LYRM4: variants seen among roughly 807,000 people sequenced by gnomAD.
LYRM4 encodes LYR motif containing 4.
In LYRM4, 9 loss-of-function variants were observed where a neutral mutation model predicts 11.7. The ratio of observed to expected loss-of-function variants is 0.77; its 90% CI spans 0.46 to 1.34. The LOEUF (loss-of-function observed/expected upper bound fraction) is 1.34. Among genes scored for constraint, LYRM4 ranks in the 40% most tolerant of loss-of-function variants. LYRM4 has a pLI of 0.00. For synonymous variants in LYRM4, 42 were observed against 40.4 expected, an observed-to-expected ratio of 1.04 and a Z score of -0.15; for missense variants, 133 against 112.5, an observed-to-expected ratio of 1.18 and a Z score of -0.82.
chr6:5,119,097 C>CAT (rs772097746), intron 2 of LYRM4, among the ~76,000 whole-genome samples: 21 of 152,154 alleles, frequency 1.4e-4, no homozygotes, highest in Non-Finnish European at 2.8e-4. Context: ...GTACACACTC[C>CAT]ATCTCCATCC....
At chr6:5,067,132 G>C in the LYRM4 span, 1 of 242,148 alleles carries the variant, frequency 4.1e-6, no homozygotes, top group East Asian at 8.1e-5. Context: ...TAATTTCTTT[G>C]CTACTACTCC....
the LYRM4 span, among the ~76,000 whole-genome samples, chr6:5,057,459 G>A: frequency 6.6e-6 from 1 of 152,146 alleles, no homozygotes; most frequent in South Asian, 2.1e-4. Flanking sequence ...GCCCACGCCT[G>A]TAATCCCAGC....
intron 2 of LYRM4, among the ~76,000 whole-genome samples, chr6:5,209,132 C>T (rs573360539): frequency 2.6e-5 from 4 of 152,238 alleles, no homozygotes; most frequent in East Asian, 3.9e-4. Context: ...CTCACTCTGT[C>T]GCCCAGGCTG....
chr6:5,200,258 A>G (rs1761310566), intron 2 of LYRM4, among the ~76,000 whole-genome samples: 1 of 152,146 alleles, frequency 6.6e-6, no homozygotes, highest in African/African-American at 2.4e-5. Context: ...GCACTAGAAA[A>G]ATGCCTCCCA....
At chr6:5,084,419 C>A in the LYRM4 span, among the ~76,000 whole-genome samples, 45 of 152,100 alleles carry the variant, frequency 3.0e-4, 1 homozygote, top group Admixed American at 2.9e-3. Context: ...GTGCTTGGGG[C>A]GCTGGCGTCC....
chr6:5,252,594 G>C (rs566747239), intron 1 of LYRM4, among the ~76,000 whole-genome samples: 1 of 151,962 alleles, frequency 6.6e-6, no homozygotes, highest in African/African-American at 2.4e-5. Context: ...TCTTCCCACC[G>C]TTTTCTCTCT....
At chr6:5,230,446 T>G (rs1310346662) in intron 1 of LYRM4, among the ~76,000 whole-genome samples, 1 of 152,218 alleles carries the variant, frequency 6.6e-6, no homozygotes, top group Non-Finnish European at 1.5e-5. Flanking sequence ...CCTATCAGAA[T>G]GAGCTTGATC....
At chr6:5,144,432 T>C (rs1388095504) in intron 2 of LYRM4, among the ~76,000 whole-genome samples, 3 of 151,676 alleles carry the variant, frequency 2.0e-5, no homozygotes, top group Non-Finnish European at 2.9e-5. Context: ...GCTCAGGAGA[T>C]CGAGACCATC....
rs955368147 is a variant in LYRM4, at chr6:5,245,693, T to A, written c.86+14955A>T. ...CCTGGAGCCTGAGGCCAGAGAACCATGATTCAGATCAGAACAAAATAAATG... is the reference window on the plus strand; with the variant it reads ...CCTGGAGCCTGAGGCCAGAGAACCAAGATTCAGATCAGAACAAAATAAATG... On this transcript the variant is annotated intron_variant, in intron 1 of 2. Transcript: ENST00000330636. Among the ~76,000 whole-genome samples the A allele has an allele frequency of 2.0e-5, 3 of 152,178 alleles. No individual in the cohort carries two copies. In the East Asian group the frequency reaches 5.8e-4, roughly 29 times the overall value.
chr6:5,127,506 G>T (rs1763749346), intron 2 of LYRM4, among the ~76,000 whole-genome samples: 1 of 152,264 alleles, frequency 6.6e-6, no homozygotes, highest in South Asian at 2.1e-4. Context: ...GTCTAGACTT[G>T]TGCTACTCCA....
chr6:5,233,620 C>T (rs557764438), intron 1 of LYRM4, among the ~76,000 whole-genome samples: 9 of 152,298 alleles, frequency 5.9e-5, no homozygotes, highest in South Asian at 4.1e-4. Flanking sequence ...AGCCACATAT[C>T]CTAAGAAGTG....
intron 1 of LYRM4, among the ~76,000 whole-genome samples, chr6:5,230,423 T>C (rs1323172923): frequency 6.6e-6 from 1 of 152,186 alleles, no homozygotes; most frequent in East Asian, 1.9e-4. Flanking sequence ...TTCTGGCTTC[T>C]TTTTTCCCCC....
the LYRM4 span, among the ~76,000 whole-genome samples, chr6:5,059,970 T>C: frequency 6.6e-6 from 1 of 152,184 alleles, no homozygotes; most frequent in Non-Finnish European, 1.5e-5. Context: ...CTGGCTTTAA[T>C]CTATCTTTTG....
intron 2 of LYRM4, among the ~76,000 whole-genome samples, chr6:5,204,397 A>G (rs1761570730): frequency 6.6e-6 from 1 of 152,298 alleles, no homozygotes; most frequent in South Asian, 2.1e-4. Context: ...TTAGTTAAGG[A>G]TAACAGGACT....
At chr6:5,145,348 G>A (rs1024641009) in intron 2 of LYRM4, among the ~76,000 whole-genome samples, 5 of 152,244 alleles carry the variant, frequency 3.3e-5, no homozygotes, top group African/African-American at 9.6e-5. Flanking sequence ...CTGTGTAAGT[G>A]CCTTATCGCC....
chr6:5,068,557 C>T, the LYRM4 span, among the ~76,000 whole-genome samples: 3 of 152,164 alleles, frequency 2.0e-5, no homozygotes, highest in East Asian at 5.8e-4. This position sits in a 1 kb window ranked among gnomAD's most constrained non-coding sequence, Gnocchi z 4.0. Context: ...GATCTTGAGG[C>T]TTGGCTCTTC....
chr6:5,044,121 T>TG, the LYRM4 span, among the ~76,000 whole-genome samples: 7 of 151,234 alleles, frequency 4.6e-5, no homozygotes, highest in Admixed American at 2.0e-4. Context: ...GTGGGGTTTT[T>TG]TTTGTTTGTT....
chr6:5,118,094 A>ATATATATATATATATTTTT, intron 2 of LYRM4, among the ~76,000 whole-genome samples: 184 of 86,092 alleles, frequency 2.1e-3, no homozygotes, highest in Middle Eastern at 0.011. Flanking sequence ...ATATATATAT[A>ATATATATATATATATTTTT]TTTTTGTTTT....
the LYRM4 span, chr6:5,088,013 T>C: frequency 6.6e-6 from 1 of 152,194 alleles, no homozygotes; most frequent in African/African-American, 2.4e-5. Context: ...ATTTGGCCCA[T>C]GGGCCAAATT....
Sources: allele counts gnomAD v4.1 joint callset (sites outside exome capture counted in the v4.1 genomes callset), GRCh38; gene constraint gnomAD v4.1.1; non-coding constraint Gnocchi (gnomAD v3.1); transcripts MANE v1.5; gene names NCBI Gene and HGNC (gene_info 2026-07-23, HGNC 2026-07-21).